Variants in AMOT observed in about 807,000 individuals in gnomAD.
AMOT encodes angiomotin.
A neutral mutation model predicts 67.0 loss-of-function variants in AMOT; 11 were observed. The ratio of observed to expected loss-of-function variants is 0.16; its 90% CI spans 0.10 to 0.27. AMOT has a LOEUF of 0.27. AMOT is among the 10% of genes least tolerant of loss of function. The pLI, the probability that AMOT is intolerant of heterozygous loss-of-function variation, is 1.00. For missense variants in AMOT, 753 were observed against 852.0 expected, an observed-to-expected ratio of 0.88 and a Z score of 1.45; for synonymous variants, 326 against 321.4, an observed-to-expected ratio of 1.01 and a Z score of -0.15.
chrX:112,788,778 C>G (rs973821973), intron 10 of AMOT, among the ~76,000 whole-genome samples: 4 of 112,204 alleles, frequency 3.6e-5, no homozygotes, highest in African/African-American at 9.7e-5. Flanking sequence ...AGGTGGGAAC[C>G]AGGCTGTGTT....
At chrX:112,840,133 G>C (rs1002865590) in intron 1 of AMOT, among the ~76,000 whole-genome samples, 1 of 110,738 alleles carries the variant, frequency 9.0e-6, no homozygotes, top group Non-Finnish European at 1.9e-5. Context: ...AGCTTCCCTC[G>C]GGTCTTTAGC....
intron 1 of AMOT, among the ~76,000 whole-genome samples, chrX:112,833,480 G>GA (rs34642378): frequency 0.11 from 5,943 of 53,516 alleles, 214 homozygotes; most frequent in East Asian, 0.24. Flanking sequence ...GGGAGTAAAG[G>GA]GGGGGGGGGG....
intron 10 of AMOT, among the ~76,000 whole-genome samples, chrX:112,788,262 C>T (rs1394034266): frequency 1.3e-4 from 14 of 106,264 alleles, no homozygotes; most frequent in East Asian, 3.0e-4. Context: ...GCACTCCAGC[C>T]TGGGCAACAG....
intron 2 of AMOT, among the ~76,000 whole-genome samples, chrX:112,825,546 C>T (rs1368913096): frequency 9.0e-6 from 1 of 111,268 alleles, no homozygotes; most frequent in African/African-American, 3.3e-5. Context: ...AAGCCAAAAC[C>T]ACTGTCACCT....
chrX:112,837,953 C>T (rs999831666), intron 1 of AMOT, among the ~76,000 whole-genome samples: 1 of 111,650 alleles, frequency 9.0e-6, no homozygotes, highest in Non-Finnish European at 1.9e-5. Flanking sequence ...GGCTCCAGTA[C>T]GACCACACAC....
In AMOT at chrX:112,811,278, C is replaced by T. The variant is rs1190687573; in HGVS notation, c.1508G>A (p.Arg503Lys). Residue 503 changes from arginine to lysine, a missense_variant, in exon 6 of 14, where the codon AGG becomes AAG. Physicochemically the swap from Arg to Lys is conservative, Grantham distance 26 (BLOSUM62 2). Coordinates refer to ENST00000371959, the MANE Select transcript of AMOT (RefSeq NM_001113490.2). ...CAGATCCCTGTTGAAATCATGCATC[C>T]TCCGAATCTCGCCCTCTAGCTTGTT... is the stretch of plus-strand genomic sequence containing the variant. ...MRNKLEGEIR[R>K]MHDFNRDLRE... 7.4e-6 allele frequency: 9 copies of T among 1,211,057 alleles called. No individual in the cohort carries two copies. The highest frequency in any genetic ancestry group is 1.0e-5 in the Non-Finnish European group (9 of 895,224).
chrX:112,832,393 G>C (rs1602843695), intron 1 of AMOT, 23 bp from the exon 2 acceptor site: 1 of 111,962 alleles, frequency 8.9e-6, no homozygotes, highest in East Asian at 2.8e-4. Context: ...AAAGGCAGAT[G>C]TGATTAATTC....
intron 7 of AMOT, among the ~76,000 whole-genome samples, chrX:112,806,402 C>T (rs1351632739): frequency 4.2e-5 from 4 of 96,012 alleles, no homozygotes; most frequent in Middle Eastern, 5.3e-3. Context: ...TATACAAAAA[C>T]GTATGTGTGT....
rs140857846 is a variant in AMOT at position 112,779,653 on chromosome X, G to T, written c.2501C>A (p.Ala834Asp). ...CGAGGGTGTGGAAGGGACATATTCA[G>T]CACGGTAGTCTCCACCCAGGAGAAT... ...LGILLGGDYR[A>D]EYVPSTPSPV... is the part of the protein sequence containing the mutation. The change falls in exon 13 of 14, where the codon GCT (alanine) becomes GAT (aspartate). Residue 834 changes from alanine to aspartate, a missense_variant. Around this residue, in one of 5 missense-constraint regions of AMOT, gnomAD observed 269 missense variants for 300.9 expected, o/e 0.89. Transcript: ENST00000371959. 1.9e-4 allele frequency: 231 copies of T among 1,201,938 alleles called. 1 individual carries two copies. In the African/African-American group the frequency reaches 3.7e-3, roughly 19 times the overall value.
chrX:112,825,197 C>T lies in AMOT; in HGVS notation c.-188G>A, dbSNP rs917090484. ...ACACTCAGGTTCAGGGTAAGCGCCG[C>T]CAAGAGTCCAACCACTGGTCACTCT... On this transcript the variant is annotated 5_prime_UTR_variant, in exon 3 of 14. Transcript: ENST00000371959. 2.7e-5 allele frequency: 3 copies of T among 111,658 alleles called. No individual in the cohort carries two copies. The highest frequency in any genetic ancestry group is 5.6e-5 in the Non-Finnish European group (3 of 53,154). 9.2% of individuals were successfully genotyped at this position (111,658 alleles called of 1,213,427 possible). A position where few individuals can be genotyped will look rare whatever the true frequency, so the allele number is the denominator to read the frequency against.
intron 10 of AMOT, among the ~76,000 whole-genome samples, chrX:112,785,661 G>A (rs930741202): frequency 1.8e-5 from 2 of 112,051 alleles, no homozygotes; most frequent in African/African-American, 3.2e-5. Flanking sequence ...CTTATCTCTC[G>A]TAGAAATGTG....
At chrX:112,782,900 G>T (rs1374883863) in intron 10 of AMOT, among the ~76,000 whole-genome samples, 1 of 111,739 alleles carries the variant, frequency 8.9e-6, no homozygotes, top group Admixed American at 9.5e-5. Flanking sequence ...TGAGGGATGA[G>T]ATATGCACAG....
Position 112,806,042 on chromosome X carries a change from C to T in AMOT, c.1631-950G>A, listed in dbSNP as rs1934170683. On this transcript the variant is annotated intron_variant, in intron 7 of 13. Transcript: ENST00000371959. ...CAGTACTTTGGGAGGCTGCGGTGGG[C>T]GGATCACGAGGTCAAGAGATAGAGA... 3.6e-5 allele frequency among the ~76,000 whole-genome samples: 4 copies of T among 110,084 alleles called. No individual in the cohort carries two copies. The South Asian group carries it at 1.2e-3, about 32-fold the overall frequency.
intron 10 of AMOT, among the ~76,000 whole-genome samples, chrX:112,788,637 A>G (rs1933461026): frequency 8.9e-6 from 1 of 112,300 alleles, no homozygotes; most frequent in Non-Finnish European, 1.9e-5. Flanking sequence ...TCCAATTCCC[A>G]TATTTTACAG....
In AMOT at chrX:112,775,801, G is replaced by A. The variant is rs755398190; in HGVS notation, c.*2766C>T. ...TTAGAAGGTCCTCAGAGATCACCAA[G>A]CAGTACAAGCTAAGACAACCTGGTC... On this transcript the variant is annotated 3_prime_UTR_variant, in exon 14 of 14. Coordinates refer to ENST00000371959, the MANE Select transcript of AMOT (RefSeq NM_001113490.2). 8.9e-6 allele frequency: 1 copy of A among 112,078 alleles called. No homozygotes were observed. Among genetic ancestry groups the A allele is most frequent in the Non-Finnish European group, 1.9e-5 (1 of 53,191 alleles). 9.2% of individuals were successfully genotyped at this position (112,078 alleles called of 1,213,427 possible).
rs770928708 is a variant in AMOT at position 112,791,973 on chromosome X, C to T, written c.1785G>A (p.Lys595=). ...KVVKLEEELK[K]KQVYVDKVEK... is the part of the protein sequence containing the mutation. ...CCACCTTGTCAACGTACACTTGCTTCTTTTTCAGCTGGAAATCCATGTTGG... is the reference window on the plus strand; with the variant it reads ...CCACCTTGTCAACGTACACTTGCTTTTTTTTCAGCTGGAAATCCATGTTGG... Residue 595 remains lysine (K), a synonymous_variant, in exon 9 of 14, where the codon AAG becomes AAA. Coordinates refer to ENST00000371959, the MANE Select transcript of AMOT (RefSeq NM_001113490.2). The T allele has an allele frequency of 8.3e-6, 10 of 1,210,605 alleles. No individual in the cohort carries two copies. Among genetic ancestry groups the T allele is most frequent in the Non-Finnish European group, 1.1e-5 (10 of 894,848 alleles).
intron 8 of AMOT, among the ~76,000 whole-genome samples, chrX:112,797,736 G>A (rs1000520564): frequency 3.6e-5 from 4 of 110,284 alleles, no homozygotes; most frequent in East Asian, 5.7e-4. Flanking sequence ...AGCCGCGATC[G>A]CGCCACTGCA....
rs952675265 is a variant in AMOT, at chrX:112,775,173, A to G, written c.*3394T>C. 6 of 112,465 alleles carry G rather than the reference A, an allele frequency of 5.3e-5. No homozygotes were observed. The highest frequency in any genetic ancestry group is 1.6e-4 in the African/African-American group (5 of 30,932). 9.3% of individuals were successfully genotyped at this position (112,465 alleles called of 1,213,427 possible). A position where few individuals can be genotyped will look rare whatever the true frequency, so the allele number is the denominator to read the frequency against. ...TAAACAAACTCCCGACACTTGTCCT[A>G]CTGATGATGGATGGCACTTGGAAGA... On this transcript the variant is annotated 3_prime_UTR_variant, in exon 14 of 14. Transcript: ENST00000371959.
chrX:112,821,462 T>C (rs938693379), intron 4 of AMOT, among the ~76,000 whole-genome samples: 9 of 111,910 alleles, frequency 8.0e-5, no homozygotes, highest in African/African-American at 2.9e-4. Flanking sequence ...CTAGTGAATA[T>C]AGCAGTGGGA....
Sources: gnomAD v4.1 joint callset for allele counts (sites outside exome capture counted in the v4.1 genomes callset) on GRCh38, gnomAD v4.1.1 for gene constraint, gnomAD v4.1.1 regional missense constraint, MANE v1.5 for transcripts, NCBI Gene and HGNC (gene_info 2026-07-23, HGNC 2026-07-21) for gene names.